The following COL6A5 variants were observed in gnomAD, a reference collection of about 807,000 sequenced individuals.
COL6A5 encodes collagen type VI alpha 5 chain.
Under a neutral mutation model 65.6 loss-of-function variants are expected in COL6A5, and 48 were observed. That is an observed-to-expected ratio of 0.73 (90% CI 0.58 to 0.93). COL6A5 has a LOEUF of 0.93. Ranked by LOEUF, COL6A5 falls within the 40% of genes least tolerant of loss-of-function variation. COL6A5 has a pLI of 0.00. For synonymous variants in COL6A5, 291 were observed against 322.8 expected, an observed-to-expected ratio of 0.90 and a Z score of 1.05; for missense variants, 914 against 928.3, an observed-to-expected ratio of 0.98 and a Z score of 0.20.
intron 25 of COL6A5, among the ~76,000 whole-genome samples, chr3:130,420,606 A>G (rs1318245965): frequency 6.6e-6 from 1 of 152,136 alleles, no homozygotes; most frequent in Non-Finnish European, 1.5e-5. Context: ...TTTGAACTCC[A>G]TTATGAAGTG....
At chr3:130,479,814 T>C (rs899421962) in intron 7 of COL6A5, among the ~76,000 whole-genome samples, 4 of 152,114 alleles carry the variant, frequency 2.6e-5, no homozygotes, top group Non-Finnish European at 5.9e-5. Flanking sequence ...TTTCCAAACA[T>C]TTTAGTTTTT....
exon 6 of COL6A5, chr3:130,388,863 T>C: frequency 1.3e-6 from 2 of 1,551,292 alleles, no homozygotes; most frequent in South Asian, 1.2e-5. Context: ...ATTTTGTAGG[T>C]CAATACTTCA....
chr3:130,398,241 C>T, intron 10 of COL6A5, 130 bp downstream of exon 10: 1 of 645,632 alleles, frequency 1.5e-6, no homozygotes, highest in South Asian at 2.0e-5. Context: ...CACCATTCTC[C>T]TGCCTCAACC....
chr3:130,459,760 C>T (rs1436237669), intron 5 of COL6A5, among the ~76,000 whole-genome samples: 2 of 151,806 alleles, frequency 1.3e-5, no homozygotes, highest in African/African-American at 4.8e-5. Context: ...TACTATTATA[C>T]CACATAAAAA....
rs77730506 is a variant in COL6A5, at chr3:130,405,625, G to A, written c.4319G>A (p.Gly1440Glu). 2.3e-3 allele frequency: 3,495 copies of A among 1,550,734 alleles called. 74 individuals are homozygous for A. In the African/African-American group the frequency reaches 0.042, roughly 19 times the overall value. The change falls in exon 14 of 42, where the codon GGG (glycine) becomes GAG (glutamate). Residue 1440 changes from glycine to glutamate, a missense_variant and NMD_transcript_variant. Physicochemically the swap from Gly to Glu is moderately conservative, Grantham distance 98 (BLOSUM62 -2). Coordinates refer to the COL6A5 transcript ENST00000312481. ...GACACAGGACCCCAAGGAGACAAAG[G>A]GATTGCAGGATGTCCAGGGGCGTGG...
exon 6 of COL6A5, chr3:130,469,338 T>C: frequency 6.2e-7 from 1 of 1,612,946 alleles, no homozygotes; most frequent in Non-Finnish European, 8.5e-7. Flanking sequence ...GTGTTTTCCT[T>C]TGGCCCTAAA....
At chr3:130,422,332 A>G (rs1937532163) in intron 27 of COL6A5, among the ~76,000 whole-genome samples, 1 of 150,820 alleles carries the variant, frequency 6.6e-6, no homozygotes, top group Admixed American at 6.6e-5. Context: ...TTAAAAAATC[A>G]GAATAGATTA....
chr3:130,395,425 A>C (rs1410946728), exon 8 of COL6A5: 1 of 1,545,788 alleles, frequency 6.5e-7, no homozygotes, highest in Admixed American at 2.0e-5. Context: ...ATGTGAAAAA[A>C]AGAATCATCC....
At chr3:130,345,821 TGCGGCGCGGACCA>T in exon 1 of COL6A5, 1 of 395,950 alleles carries the variant, frequency 2.5e-6, no homozygotes, top group Non-Finnish European at 4.5e-6. Context: ...GACCAGGGCG[TGCGGCGCGGACCA>T]GGGCTTCCGG....
exon 21 of COL6A5, chr3:130,413,552 A>G: frequency 6.5e-7 from 1 of 1,548,964 alleles, no homozygotes; most frequent in South Asian, 1.2e-5. Context: ...CAGGGAAGAG[A>G]AGGTCAAAGG....
chr3:130,482,413 T>C (rs1443353950), intron 7 of COL6A5, among the ~76,000 whole-genome samples: 20 of 152,208 alleles, frequency 1.3e-4, no homozygotes, highest in Admixed American at 1.3e-3. Flanking sequence ...TATATCTGTG[T>C]TGATACCAAT....
chr3:130,468,995 A>G (rs1709884166), exon 6 of COL6A5: 3 of 1,612,784 alleles, frequency 1.9e-6, no homozygotes, highest in Non-Finnish European at 2.5e-6. Context: ...ACTGACCTCC[A>G]CCTTAGGAGA....
At chr3:130,360,713 A>G (rs1190977243) in intron 1 of COL6A5, among the ~76,000 whole-genome samples, 1 of 152,120 alleles carries the variant, frequency 6.6e-6, no homozygotes, top group Non-Finnish European at 1.5e-5. Context: ...GCTAGTCCAG[A>G]CTACTACCAT....
At chr3:130,397,367 T>C (rs1262360122) in intron 8 of COL6A5, among the ~76,000 whole-genome samples, 1 of 151,682 alleles carries the variant, frequency 6.6e-6, no homozygotes, top group Non-Finnish European at 1.5e-5. Context: ...GTATCACATA[T>C]ATATGTGATA....
chr3:130,370,492 T>C lies in COL6A5; in HGVS notation c.-28-3119T>C, dbSNP rs78097668. Among the ~76,000 whole-genome samples, 1,448 of 152,314 alleles carry C rather than the reference T, an allele frequency of 9.5e-3. 11 individuals are homozygous for C. Among genetic ancestry groups the C allele is most frequent in the South Asian group, 0.069 (334 of 4,816 alleles). ...TTTTCTGAGAGGCTGCCCTATTCTA[T>C]ATCCATCTTATCTGGAGGAATACAA... On this transcript the variant is annotated intron_variant and NMD_transcript_variant, in intron 1 of 41. Coordinates refer to the COL6A5 transcript ENST00000312481.
intron 1 of COL6A5, among the ~76,000 whole-genome samples, chr3:130,369,000 C>T (rs188626569): frequency 2.1e-4 from 32 of 152,238 alleles, no homozygotes; most frequent in East Asian, 5.8e-4. Context: ...TTGCAGCCTA[C>T]GGCCCTTATC....
chr3:130,346,640 A>T (rs1228660072), intron 1 of COL6A5, among the ~76,000 whole-genome samples: 1 of 152,194 alleles, frequency 6.6e-6, no homozygotes, highest in African/African-American at 2.4e-5. Context: ...AGGTTCTTTC[A>T]AAGTGCTGGA....
At chr3:130,416,672 A>T (rs1163027915) in intron 23 of COL6A5, 85 bp from the exon 24 acceptor site, 6 of 784,488 alleles carry the variant, frequency 7.6e-6, no homozygotes, top group Non-Finnish European at 1.3e-5. Flanking sequence ...TGTTGGGAAT[A>T]GCATGAAGGA....
At chr3:130,477,402 C>G (rs1000011069) in intron 7 of COL6A5, 1 of 220,490 alleles carries the variant, frequency 4.5e-6, no homozygotes, top group East Asian at 9.3e-5. Context: ...TTTCTTTTCA[C>G]CTGTCCATTT....
Sources: allele counts gnomAD v4.1 joint callset (sites outside exome capture counted in the v4.1 genomes callset), GRCh38; gene constraint gnomAD v4.1.1; transcripts MANE v1.5; gene names NCBI Gene and HGNC (gene_info 2026-07-23, HGNC 2026-07-21).